The following GAS7 variants were observed in gnomAD, a reference collection of about 807,000 sequenced individuals.
GAS7 encodes growth arrest specific 7, also known as growth arrest-specific protein 7.
GAS7 carries 28 observed loss-of-function variants against 71.1 expected under a neutral mutation model. That is an observed-to-expected ratio of 0.39 (90% CI 0.29 to 0.54). The LOEUF (loss-of-function observed/expected upper bound fraction) is 0.54. Ranked by LOEUF, GAS7 falls within the 20% of genes least tolerant of loss-of-function variation. The pLI, the probability that GAS7 is intolerant of heterozygous loss-of-function variation, is 0.62. For synonymous variants in GAS7, 258 were observed against 245.8 expected, an observed-to-expected ratio of 1.05 and a Z score of -0.46; for missense variants, 436 against 627.8, an observed-to-expected ratio of 0.69 and a Z score of 3.27.
Position 10,198,298 on chromosome 17 carries a change from C to G in GAS7, c.93G>C (p.Leu31=). 2 of 1,604,222 alleles carry G rather than the reference C, an allele frequency of 1.2e-6. No homozygotes were observed. The highest frequency in any genetic ancestry group is 2.2e-5 in the East Asian group (1 of 44,812). The change falls in exon 1 of 14, where the codon CTG becomes CTC. Residue 31 remains leucine, a synonymous_variant. Transcript: ENST00000432992. ...LRFAAGELIT[L]LQVPDGGWWE... is the part of the protein sequence containing the mutation. ...ACCAGCCGCCGTCCGGGACCTGCAG[C>G]AGCGTGATCAGCTCGCCCGCGGCGA...
intron 2 of GAS7, among the ~76,000 whole-genome samples, chr17:10,013,348 C>T (rs1284305671): frequency 6.6e-6 from 1 of 152,180 alleles, no homozygotes; most frequent in Non-Finnish European, 1.5e-5. Flanking sequence ...AGACAGTCTC[C>T]TTAACACTAG....
At chr17:9,947,089 G>T in intron 5 of GAS7, 106 bp from the exon 6 acceptor site, 1 of 691,356 alleles carries the variant, frequency 1.4e-6, no homozygotes, top group South Asian at 1.7e-5. Flanking sequence ...CCTATTGACA[G>T]AACACGCACA....
At chr17:10,046,816 G>A (rs1295735664) in intron 1 of GAS7, among the ~76,000 whole-genome samples, 31 of 114,012 alleles carry the variant, frequency 2.7e-4, no homozygotes, top group Admixed American at 7.0e-4. Flanking sequence ...AAGGAAGGAA[G>A]GAAGGAAGGA....
chr17:10,161,522 G>T (rs534238340), intron 1 of GAS7, among the ~76,000 whole-genome samples: 1 of 152,360 alleles, frequency 6.6e-6, no homozygotes, highest in South Asian at 2.1e-4. Flanking sequence ...CTCGAGCACT[G>T]TAACAGGATT....
chr17:10,072,280 C>T (rs1368827581), intron 1 of GAS7, among the ~76,000 whole-genome samples: 1 of 152,138 alleles, frequency 6.6e-6, no homozygotes, highest in Non-Finnish European at 1.5e-5. Flanking sequence ...CTGGTTCAGG[C>T]AAGATTCAGG....
chr17:10,051,798 T>A (rs1471573637), intron 1 of GAS7, among the ~76,000 whole-genome samples: 1 of 152,116 alleles, frequency 6.6e-6, no homozygotes, highest in African/African-American at 2.4e-5. Flanking sequence ...GATCGATCGC[T>A]CAAGCTCCCA....
chr17:10,093,945 C>T (rs1185525960), intron 1 of GAS7, among the ~76,000 whole-genome samples: 3 of 152,186 alleles, frequency 2.0e-5, no homozygotes, highest in Admixed American at 6.5e-5. Context: ...AGACAGCCAT[C>T]AAGGTCCCCT....
chr17:10,165,507 C>T (rs1460621209), intron 1 of GAS7, among the ~76,000 whole-genome samples: 1 of 152,170 alleles, frequency 6.6e-6, no homozygotes, highest in African/African-American at 2.4e-5. Flanking sequence ...TTAGCAATGC[C>T]TTTTATGCAT....
At chr17:10,075,493 C>T (rs2073380575) in intron 1 of GAS7, among the ~76,000 whole-genome samples, 1 of 151,968 alleles carries the variant, frequency 6.6e-6, no homozygotes, top group African/African-American at 2.4e-5. Context: ...TATATTATAA[C>T]ACAGTGAGGC....
intron 2 of GAS7, among the ~76,000 whole-genome samples, chr17:10,000,758 T>C (rs1039546948): frequency 3.3e-5 from 5 of 152,202 alleles, no homozygotes; most frequent in Non-Finnish European, 7.3e-5. Context: ...AAAATCACCA[T>C]GTGCCCCTGG....
chr17:9,956,136 A>C (rs1302035428), intron 5 of GAS7, among the ~76,000 whole-genome samples: 2 of 152,164 alleles, frequency 1.3e-5, no homozygotes, highest in Non-Finnish European at 2.9e-5. Flanking sequence ...GCCCAGCAGG[A>C]GCCTGTGGGG....
chr17:9,920,015 G>C (rs986927677), intron 11 of GAS7, among the ~76,000 whole-genome samples: 8 of 139,624 alleles, frequency 5.7e-5, no homozygotes, highest in African/African-American at 2.2e-4. Context: ...GTGTGTGTGT[G>C]TCTAGGGTAT....
chr17:10,128,766 C>T (rs1441438251), intron 1 of GAS7, among the ~76,000 whole-genome samples: 1 of 151,670 alleles, frequency 6.6e-6, no homozygotes, highest in Non-Finnish European at 1.5e-5. Flanking sequence ...ATTACAGGCG[C>T]CCACCACCGC....
At chr17:9,983,885 G>A (rs1220875627) in intron 2 of GAS7, among the ~76,000 whole-genome samples, 4 of 152,156 alleles carry the variant, frequency 2.6e-5, no homozygotes, top group African/African-American at 9.7e-5. Flanking sequence ...TGTTTAGTGT[G>A]GTGATTCTAG....
At chr17:9,970,892 G>A (rs562405355) in intron 3 of GAS7, among the ~76,000 whole-genome samples, 2 of 152,262 alleles carry the variant, frequency 1.3e-5, no homozygotes, top group South Asian at 2.1e-4. Flanking sequence ...TGGGACCCAC[G>A]TGATCTCGGT....
intron 1 of GAS7, among the ~76,000 whole-genome samples, chr17:10,153,776 G>C: frequency 6.6e-6 from 1 of 152,188 alleles, no homozygotes; most frequent in South Asian, 2.1e-4. Flanking sequence ...AGGTCAGAGT[G>C]ACCAAGCAGG....
chr17:10,193,990 A>G (rs2074521639), intron 1 of GAS7, among the ~76,000 whole-genome samples: 1 of 152,180 alleles, frequency 6.6e-6, no homozygotes, highest in South Asian at 2.1e-4. Flanking sequence ...ACTCTCTCCC[A>G]CAGACACTCC....
intron 1 of GAS7, among the ~76,000 whole-genome samples, chr17:10,191,806 C>T (rs1446084760): frequency 2.7e-4 from 37 of 138,880 alleles, no homozygotes; most frequent in Admixed American, 1.3e-3. Flanking sequence ...ACCCAGGAGG[C>T]GGAGGTTGTA....
At chr17:9,996,787 C>T (rs555911995) in intron 2 of GAS7, among the ~76,000 whole-genome samples, 5 of 151,866 alleles carry the variant, frequency 3.3e-5, no homozygotes, top group Non-Finnish European at 5.9e-5. Flanking sequence ...TACAGACATG[C>T]GCCACCACAC....
Sources: gnomAD v4.1 joint callset for allele counts (sites outside exome capture counted in the v4.1 genomes callset) on GRCh38, gnomAD v4.1.1 for gene constraint, MANE v1.5 for transcripts, NCBI Gene and HGNC (gene_info 2026-07-23, HGNC 2026-07-21) for gene names.